VWC2L: variants seen among roughly 807,000 people sequenced by gnomAD.
The protein encoded by VWC2L is von Willebrand factor C domain containing 2 like.
Under a neutral mutation model 21.6 loss-of-function variants are expected in VWC2L, and 10 were observed. The observed-to-expected ratio is 0.46, with a 90% CI of 0.29 to 0.78. VWC2L has a LOEUF of 0.78. Ranked by LOEUF, VWC2L falls within the 30% of genes least tolerant of loss-of-function variation. The pLI, the probability that VWC2L is intolerant of heterozygous loss-of-function variation, is 0.10. For missense variants in VWC2L, 209 were observed against 277.1 expected (o/e 0.75, Z 1.74); for synonymous variants, 96 against 94.3 (o/e 1.02, Z -0.10).
intron 3 of VWC2L, among the ~76,000 whole-genome samples, chr2:214,464,337 A>G (rs1477929713): frequency 3.3e-5 from 5 of 152,070 alleles, no homozygotes; most frequent in Non-Finnish European, 7.4e-5. Flanking sequence ...TGGTTACTAC[A>G]GCTGTATTTG....
intron 3 of VWC2L, among the ~76,000 whole-genome samples, chr2:214,439,264 T>C (rs1265986162): frequency 6.6e-6 from 1 of 151,870 alleles, no homozygotes; most frequent in African/African-American, 2.4e-5. Context: ...ATAGAAGACA[T>C]GGAGGAAAAA....
intron 3 of VWC2L, among the ~76,000 whole-genome samples, chr2:214,514,416 G>T (rs148417611): frequency 6.6e-6 from 1 of 151,204 alleles, no homozygotes; most frequent in African/African-American, 2.5e-5. Context: ...AAGCCTATTT[G>T]AAATCTCCCT....
At position 214,567,573 on chromosome 2, in the gene VWC2L, C is replaced by CAGAGAG. The variant is rs1191168160; in HGVS notation, c.521-8098_521-8097insGAGAGA. The stretch of plus-strand genomic sequence containing the variant: ...ACACACACACACACACACACACACA[C>CAGAGAG]ACACACACACACACACACACACAGA... On this transcript the variant is annotated intron_variant, in intron 3 of 3. Transcript: ENST00000312504. 2.2e-3 allele frequency among the ~76,000 whole-genome samples: 311 copies of CAGAGAG among 141,852 alleles called. 4 individuals carry two copies. The highest frequency in any genetic ancestry group is 3.6e-3 in the Non-Finnish European group (235 of 65,174). 93.1% of individuals were successfully genotyped at this position (141,852 alleles called of 152,430 possible). A position where few individuals can be genotyped will look rare whatever the true frequency, so the allele number is the denominator to read the frequency against.
chr2:214,443,216 A>G (rs1375356831), intron 3 of VWC2L, among the ~76,000 whole-genome samples: 1 of 151,968 alleles, frequency 6.6e-6, no homozygotes, highest in Non-Finnish European at 1.5e-5. Context: ...CTGTAGCTAC[A>G]ACAACAAAAA....
intron 3 of VWC2L, among the ~76,000 whole-genome samples, chr2:214,439,654 A>G (rs1049464466): frequency 6.6e-6 from 1 of 151,946 alleles, no homozygotes; most frequent in South Asian, 2.1e-4. Context: ...CTGAATTACA[A>G]CTTGCCAAAA....
chr2:214,504,466 GAGA>G (rs1172948883), intron 3 of VWC2L, among the ~76,000 whole-genome samples: 1 of 152,192 alleles, frequency 6.6e-6, no homozygotes, highest in Admixed American at 6.5e-5. Flanking sequence ...GAAATTTATT[GAGA>G]AGTTCAGCAA....
At chr2:214,574,810 A>G (rs1435383183) in intron 3 of VWC2L, among the ~76,000 whole-genome samples, 1 of 152,124 alleles carries the variant, frequency 6.6e-6, no homozygotes, top group Non-Finnish European at 1.5e-5. Flanking sequence ...AACACTGAAC[A>G]CTGATATTCC....
chr2:214,556,220 A>T (rs1689870916), intron 3 of VWC2L, among the ~76,000 whole-genome samples: 1 of 152,216 alleles, frequency 6.6e-6, no homozygotes, highest in African/African-American at 2.4e-5. Context: ...AGACTGTGCC[A>T]CTGCCCTCCA....
Position 214,414,300 on chromosome 2 carries a change from A to T in VWC2L, c.107A>T (p.Gln36Leu), listed in dbSNP as rs1702321898. ...GACTATCCTGCTGATGAAGGTGACC[A>T]GATCTCCAGTAATGACAATCTGATC... The part of the protein sequence containing the change: ...HEDYPADEGD[Q>L]ISSNDNLIFD... Residue 36 changes from glutamine to leucine, a missense_variant, in exon 2 of 4, where the codon CAG (glutamine) becomes CTG (leucine). Gln to Leu is a moderately radical substitution (Grantham distance 113, BLOSUM62 -2). Transcript: ENST00000312504. 1 of 1,613,788 alleles carries T rather than the reference A, an allele frequency of 6.2e-7. No individual in the cohort carries two copies. The highest frequency in any genetic ancestry group is 8.5e-7 in the Non-Finnish European group (1 of 1,179,850).
At chr2:214,537,200 G>A (rs1004641131) in intron 3 of VWC2L, among the ~76,000 whole-genome samples, 2 of 152,054 alleles carry the variant, frequency 1.3e-5, no homozygotes, top group Admixed American at 6.6e-5. Flanking sequence ...TTGGAAGACA[G>A]AGCATAAATG....
intron 3 of VWC2L, among the ~76,000 whole-genome samples, chr2:214,441,060 C>T (rs1702757704): frequency 6.6e-6 from 1 of 152,052 alleles, no homozygotes; most frequent in Admixed American, 6.6e-5. Flanking sequence ...TGTCACAAGC[C>T]CTGTTCAAAT....
intron 3 of VWC2L, among the ~76,000 whole-genome samples, chr2:214,565,755 T>C (rs1479313246): frequency 6.6e-6 from 1 of 152,204 alleles, no homozygotes; most frequent in African/African-American, 2.4e-5. Context: ...TTTTGTGCCC[T>C]ACTGTGTGAC....
intron 3 of VWC2L, among the ~76,000 whole-genome samples, chr2:214,535,767 T>C (rs1236400025): frequency 6.7e-6 from 1 of 150,264 alleles, no homozygotes; most frequent in Non-Finnish European, 1.5e-5. Context: ...AGGATCATGA[T>C]AGAAATTCAA....
At chr2:214,473,506 A>C (rs1226351548) in intron 3 of VWC2L, among the ~76,000 whole-genome samples, 2 of 152,144 alleles carry the variant, frequency 1.3e-5, no homozygotes, top group African/African-American at 4.8e-5. Context: ...ATCAAGCCTA[A>C]GTGAGAAAAG....
chr2:214,572,117 G>T, intron 3 of VWC2L, among the ~76,000 whole-genome samples: 1 of 152,154 alleles, frequency 6.6e-6, no homozygotes, highest in East Asian at 1.9e-4. Flanking sequence ...TAAAAGAGAG[G>T]CCCTCACCAC....
chr2:214,515,480 T>C (rs917261830), intron 3 of VWC2L, among the ~76,000 whole-genome samples: 4 of 152,234 alleles, frequency 2.6e-5, no homozygotes, highest in Non-Finnish European at 5.9e-5. Flanking sequence ...AGCTGCTTCA[T>C]TTCCCAATCA....
chr2:214,478,304 C>A (rs1381794013), intron 3 of VWC2L, among the ~76,000 whole-genome samples: 1 of 151,990 alleles, frequency 6.6e-6, no homozygotes, highest in East Asian at 1.9e-4. Flanking sequence ...CACGGTGAAA[C>A]CCCGTCTCTA....
intron 3 of VWC2L, among the ~76,000 whole-genome samples, chr2:214,453,297 A>G (rs1341104217): frequency 6.6e-6 from 1 of 152,190 alleles, no homozygotes; most frequent in Non-Finnish European, 1.5e-5. Context: ...ATGAATATCC[A>G]GTTGTTTTAG....
At chr2:214,411,840 A>C (rs1248963313) in intron 1 of VWC2L, 54 bp downstream of exon 1, 1 of 152,128 alleles carries the variant, frequency 6.6e-6, no homozygotes, top group African/African-American at 2.4e-5. Context: ...AAATAGATGC[A>C]GTCATTTTAA....
Sources: allele counts gnomAD v4.1 joint callset (sites outside exome capture counted in the v4.1 genomes callset), GRCh38; gene constraint gnomAD v4.1.1; transcripts MANE v1.5; gene names NCBI Gene and HGNC (gene_info 2026-07-23, HGNC 2026-07-21).